The following PDE1C variants were observed in gnomAD, a reference collection of about 807,000 sequenced individuals.
PDE1C encodes phosphodiesterase 1C, also known as dual specificity calcium/calmodulin-dependent 3',5'-cyclic nucleotide phosphodiesterase 1C.
In PDE1C, 62 loss-of-function variants were observed where a neutral mutation model predicts 93.1. The ratio of observed to expected loss-of-function variants is 0.67; its 90% CI spans 0.54 to 0.82. PDE1C has a LOEUF of 0.82. Ranked by LOEUF, PDE1C falls within the 40% of genes least tolerant of loss-of-function variation. The pLI is 0.00. For missense variants in PDE1C, 742 were observed against 884.6 expected, an observed-to-expected ratio of 0.84 and a Z score of 2.04; for synonymous variants, 325 against 310.1, an observed-to-expected ratio of 1.05 and a Z score of -0.50.
intron 1 of PDE1C, among the ~76,000 whole-genome samples, chr7:32,289,844 A>G (rs1340229726): frequency 1.3e-5 from 2 of 152,216 alleles, no homozygotes; most frequent in African/African-American, 4.8e-5. Context: ...GAGCCACTCT[A>G]TGAAGTTACC....
intron 2 of PDE1C, among the ~76,000 whole-genome samples, chr7:31,940,293 T>C (rs1218611518): frequency 6.6e-6 from 1 of 152,122 alleles, no homozygotes; most frequent in African/African-American, 2.4e-5. Context: ...CTGTAGTTTC[T>C]CCTCTGACAT....
chr7:32,187,231 C>A (rs964967687), intron 2 of PDE1C, among the ~76,000 whole-genome samples: 1 of 152,088 alleles, frequency 6.6e-6, no homozygotes, highest in African/African-American at 2.4e-5. Flanking sequence ...TGGGCTCAAG[C>A]AATACTCCTG....
intron 1 of PDE1C, among the ~76,000 whole-genome samples, chr7:32,064,847 AC>A (rs1239938850): frequency 1.3e-5 from 2 of 152,188 alleles, no homozygotes; most frequent in East Asian, 3.9e-4. Flanking sequence ...ATGTATCACT[AC>A]CCAGCCTCTG....
chr7:31,641,631 C>A, the PDE1C span, among the ~76,000 whole-genome samples: 2 of 152,078 alleles, frequency 1.3e-5, no homozygotes, highest in African/African-American at 4.8e-5. Context: ...CCTGCCCACA[C>A]GTGACTTTGC....
At chr7:31,980,868 C>A (rs1812283889) in intron 2 of PDE1C, among the ~76,000 whole-genome samples, 1 of 152,206 alleles carries the variant, frequency 6.6e-6, no homozygotes, top group Non-Finnish European at 1.5e-5. Context: ...CTTCAAATCT[C>A]TCTTGGTCTC....
chr7:31,652,414 T>G, the PDE1C span: 2 of 1,461,628 alleles, frequency 1.4e-6, no homozygotes, highest in Non-Finnish European at 1.8e-6. Flanking sequence ...GAGCCCATTC[T>G]AGAGAATCGA....
chr7:31,885,452 T>C (rs1162577675), intron 2 of PDE1C, among the ~76,000 whole-genome samples: 3 of 152,214 alleles, frequency 2.0e-5, no homozygotes, highest in Non-Finnish European at 4.4e-5. Flanking sequence ...TTCATGACTC[T>C]TGCATTTCTT....
intron 1 of PDE1C, among the ~76,000 whole-genome samples, chr7:32,260,849 A>G (rs765990775): frequency 6.6e-6 from 1 of 152,228 alleles, no homozygotes; most frequent in Non-Finnish European, 1.5e-5. Flanking sequence ...GGCCGGGCAC[A>G]GTGGCTCATG....
chr7:32,179,153 T>A (rs2128810747), intron 2 of PDE1C, among the ~76,000 whole-genome samples: 1 of 152,260 alleles, frequency 6.6e-6, no homozygotes, highest in East Asian at 1.9e-4. Context: ...AGTAAACAGA[T>A]GCTTAGTGTA....
intron 3 of PDE1C, among the ~76,000 whole-genome samples, chr7:32,090,786 A>G (rs1584744444): frequency 6.6e-6 from 1 of 152,138 alleles, no homozygotes; most frequent in South Asian, 2.1e-4. Context: ...AGGCTCTTGG[A>G]CCCTCCTGGA....
intron 1 of PDE1C, among the ~76,000 whole-genome samples, chr7:32,319,246 C>A (rs777994593): frequency 2.0e-5 from 3 of 152,228 alleles, no homozygotes; most frequent in Admixed American, 6.5e-5. Context: ...TCACTAGCTC[C>A]TCTGCCTGAC....
At chr7:32,246,415 C>G (rs1339833709) in intron 1 of PDE1C, among the ~76,000 whole-genome samples, 1 of 148,162 alleles carries the variant, frequency 6.7e-6, no homozygotes. Flanking sequence ...TCTCCTACCC[C>G]CAAGCCAACT....
At chr7:31,858,063 A>C (rs887383821) in intron 7 of PDE1C, among the ~76,000 whole-genome samples, 48 of 152,290 alleles carry the variant, frequency 3.2e-4, no homozygotes, top group African/African-American at 1.1e-3. Flanking sequence ...ATACCGAAAG[A>C]CTGGAAAACA....
the PDE1C span, among the ~76,000 whole-genome samples, chr7:31,647,488 C>A: frequency 0.041 from 5,815 of 141,414 alleles, 383 homozygotes; most frequent in African/African-American, 0.14. Flanking sequence ...ATGGCAAAAC[C>A]CCGTCTCCAT....
the PDE1C span, among the ~76,000 whole-genome samples, chr7:31,685,275 G>T: frequency 2.6e-5 from 4 of 152,196 alleles, no homozygotes; most frequent in South Asian, 2.1e-4. Flanking sequence ...AGGAACGGAG[G>T]GGGGCATGGC....
chr7:32,097,073 A>C lies in PDE1C; in HGVS notation c.308+72712T>G, dbSNP rs1584756348. ...CCAGTCCAGAAAAGACCAATGTCCC[A>C]GCTTAAATCAGGGAGGAGAGGTTCT... On this transcript the variant is annotated intron_variant, in intron 3 of 18. Coordinates refer to the PDE1C transcript ENST00000396193. Among the ~76,000 whole-genome samples, 3 of 152,330 alleles carry C rather than the reference A, an allele frequency of 2.0e-5. No homozygotes were observed. The Middle Eastern group carries it at 0.01, about 518-fold the overall frequency.
rs70989620 is a variant in PDE1C, at chr7:31,891,805, TACACACAC to T, written c.129-10953_129-10946del. Reference sequence around the variant, plus strand: ...TGTTGCACAGAACCAAATGCATTCATACACACACACACACACACACACACACACACACA... The same window carrying T: ...TGTTGCACAGAACCAAATGCATTCATACACACACACACACACACACACACA... On this transcript the variant is annotated intron_variant, in intron 2 of 17. Transcript: ENST00000396191. 6.2e-3 allele frequency among the ~76,000 whole-genome samples: 900 copies of T among 146,114 alleles called. 2 individuals are homozygous for T. The highest frequency in any genetic ancestry group is 7.3e-3 in the Non-Finnish European group (479 of 65,728).
Position 31,880,729 on chromosome 7 carries a change from T to C in PDE1C, c.242+18A>G. On this transcript the variant is annotated intron_variant, in intron 3 of 17. Transcript: ENST00000396191. Reference sequence around the variant, plus strand: ...TTTACTATCACTATACTAATCTCTTTTGTTATTTTTAGCTTACCTTGTTTC... The same window carrying C: ...TTTACTATCACTATACTAATCTCTTCTGTTATTTTTAGCTTACCTTGTTTC... The C allele has an allele frequency of 1.4e-6, 2 of 1,445,960 alleles. No homozygotes were observed. The highest frequency in any genetic ancestry group is 1.9e-6 in the Non-Finnish European group (2 of 1,031,576). The allele number at this position is 1,445,960 out of a possible 1,614,324, so 89.6% of individuals were successfully genotyped here.
intron 17 of PDE1C, among the ~76,000 whole-genome samples, chr7:31,764,279 G>A (rs927197683): frequency 7.9e-5 from 12 of 151,998 alleles, no homozygotes; most frequent in Non-Finnish European, 1.6e-4. Context: ...GTAGTAGCCG[G>A]GATTACAGGT....
Sources: allele counts gnomAD v4.1 joint callset (sites outside exome capture counted in the v4.1 genomes callset), GRCh38; gene constraint gnomAD v4.1.1; transcripts MANE v1.5; gene names NCBI Gene and HGNC (gene_info 2026-07-23, HGNC 2026-07-21).